RALGAPA2: variants seen among roughly 807,000 people sequenced by gnomAD.
RALGAPA2 encodes Ral GTPase activating protein catalytic subunit alpha 2, also known as ral GTPase-activating protein subunit alpha-2.
RALGAPA2 carries 139 observed loss-of-function variants against 230.4 expected under a neutral mutation model. The ratio of observed to expected loss-of-function variants is 0.60; its 90% CI spans 0.53 to 0.69. The LOEUF is 0.69. Among genes scored for constraint, RALGAPA2 ranks in the 30% least tolerant of loss-of-function variants. RALGAPA2 has a pLI of 0.00. For synonymous variants in RALGAPA2, 847 were observed against 837.8 expected, an observed-to-expected ratio of 1.01 and a Z score of -0.19; for missense variants, 2,163 against 2,276.0, an observed-to-expected ratio of 0.95 and a Z score of 1.01.
intron 23 of RALGAPA2, among the ~76,000 whole-genome samples, chr20:20,560,731 G>A (rs934543767): frequency 6.6e-6 from 1 of 152,196 alleles, no homozygotes; most frequent in Non-Finnish European, 1.5e-5. Flanking sequence ...TTTAGTACCT[G>A]AAATGTCTCT....
intron 35 of RALGAPA2, among the ~76,000 whole-genome samples, chr20:20,500,529 A>G (rs181888137): frequency 1.5e-3 from 229 of 152,378 alleles, no homozygotes; most frequent in Admixed American, 4.3e-3. Flanking sequence ...ATTCAGCTAC[A>G]TCTTCAGTCT....
Position 20,513,109 on chromosome 20 carries a change from C to T in RALGAPA2, c.4260G>A (p.Val1420=). 1 of 1,593,354 alleles carries T rather than the reference C, an allele frequency of 6.3e-7. No homozygotes were observed. Residue 1420 remains valine (V), a synonymous_variant, in exon 32 of 40, where the codon GTG becomes GTA. Transcript: ENST00000202677. ...HVEGSELSFE[V]FRSPNLQLFV... is the part of the protein sequence containing the mutation. ...ACAGCTGCAGGTTTGGACTTCTGAA[C>T]ACCTCAAAGGACAGCTCGGAGCCTT...
chr20:20,583,389 C>G (rs2065044190), intron 19 of RALGAPA2, among the ~76,000 whole-genome samples, 163 bp from the exon 20 acceptor site: 1 of 152,114 alleles, frequency 6.6e-6, no homozygotes, highest in Admixed American at 6.6e-5. Flanking sequence ...AAAAAGTGTC[C>G]ACGTGGGGCT....
chr20:20,550,951 G>A (rs1226004466), intron 23 of RALGAPA2, among the ~76,000 whole-genome samples: 1 of 152,166 alleles, frequency 6.6e-6, no homozygotes, highest in Non-Finnish European at 1.5e-5. Context: ...TCTACAGAAA[G>A]AATAGTTTAA....
intron 37 of RALGAPA2, 134 bp from the exon 38 acceptor site, chr20:20,412,282 G>C: frequency 8.1e-7 from 1 of 1,239,674 alleles, no homozygotes; most frequent in Non-Finnish European, 1.1e-6. Flanking sequence ...CCATCTTGCA[G>C]AAAATTAAGT....
At chr20:20,551,220 T>C (rs983074296) in intron 23 of RALGAPA2, among the ~76,000 whole-genome samples, 1 of 152,246 alleles carries the variant, frequency 6.6e-6, no homozygotes, top group African/African-American at 2.4e-5. Flanking sequence ...AATTAGTTTC[T>C]TTTTCACACG....
At chr20:20,543,360 T>A (rs148335072) in intron 24 of RALGAPA2, among the ~76,000 whole-genome samples, 1 of 152,114 alleles carries the variant, frequency 6.6e-6, no homozygotes, top group East Asian at 1.9e-4. Flanking sequence ...TTAAACAAAT[T>A]TATAAGAAAA....
intron 1 of RALGAPA2, among the ~76,000 whole-genome samples, chr20:20,683,500 T>C (rs1283291123): frequency 6.6e-6 from 1 of 152,184 alleles, no homozygotes; most frequent in Admixed American, 6.5e-5. Context: ...CTAACCACTG[T>C]GGATTCTTTC....
At chr20:20,657,821 A>G (rs189482606) in intron 3 of RALGAPA2, among the ~76,000 whole-genome samples, 1 of 152,338 alleles carries the variant, frequency 6.6e-6, no homozygotes, top group East Asian at 1.9e-4. Flanking sequence ...GAGAAAAGTA[A>G]AGATTCAGAA....
chr20:20,614,620 A>G (rs563591144), intron 13 of RALGAPA2, among the ~76,000 whole-genome samples: 3 of 152,212 alleles, frequency 2.0e-5, no homozygotes, highest in Non-Finnish European at 4.4e-5. Flanking sequence ...TGACATTGGA[A>G]TCTACATCAT....
At chr20:20,692,513 C>T (rs1475582317) in intron 1 of RALGAPA2, among the ~76,000 whole-genome samples, 1 of 152,158 alleles carries the variant, frequency 6.6e-6, no homozygotes, top group African/African-American at 2.4e-5. Flanking sequence ...AGCAGTGCCC[C>T]TCTCGGAACC....
chr20:20,393,430 G>A (rs1407629850), intron 39 of RALGAPA2, among the ~76,000 whole-genome samples, 177 bp from the exon 40 acceptor site: 1 of 152,234 alleles, frequency 6.6e-6, no homozygotes, highest in African/African-American at 2.4e-5. Context: ...ACACATGAAT[G>A]TCTTTCTTCT....
At chr20:20,492,446 C>T (rs1026790965) in intron 36 of RALGAPA2, among the ~76,000 whole-genome samples, 2 of 152,096 alleles carry the variant, frequency 1.3e-5, no homozygotes, top group Admixed American at 6.6e-5. Context: ...GAAAAAAATA[C>T]GGATTTTGGT....
intron 20 of RALGAPA2, among the ~76,000 whole-genome samples, chr20:20,574,843 A>C (rs746858564): frequency 1.3e-5 from 2 of 152,120 alleles, no homozygotes; most frequent in African/African-American, 2.4e-5. Flanking sequence ...CCACATCTCC[A>C]ACCTGCAGCC....
chr20:20,394,889 C>CAAAAAAAAAAAAAAAAAAAAAAAAAAG (rs10673778), intron 39 of RALGAPA2, among the ~76,000 whole-genome samples: 1 of 44,648 alleles, frequency 2.2e-5, no homozygotes, highest in African/African-American at 9.2e-5. Flanking sequence ...AATAAATAAG[C>CAAAAAAAAAAAAAAAAAAAAAAAAAAG]AAAAAAAAAA....
chr20:20,612,778 T>C (rs887078710), intron 13 of RALGAPA2, among the ~76,000 whole-genome samples: 24 of 152,176 alleles, frequency 1.6e-4, no homozygotes, highest in African/African-American at 5.5e-4. Flanking sequence ...GGGGGACAGC[T>C]TGTCGCTCAT....
intron 36 of RALGAPA2, among the ~76,000 whole-genome samples, chr20:20,478,786 C>A (rs372364604): frequency 9.9e-5 from 15 of 151,892 alleles, no homozygotes; most frequent in African/African-American, 3.4e-4. Context: ...CAGGACCATT[C>A]ATACCCCAAA....
At chr20:20,655,365 G>T (rs980493304) in intron 3 of RALGAPA2, among the ~76,000 whole-genome samples, 1 of 152,038 alleles carries the variant, frequency 6.6e-6, no homozygotes, top group Non-Finnish European at 1.5e-5. Context: ...ACGTTTGCAC[G>T]AAATATTACA....
intron 37 of RALGAPA2, among the ~76,000 whole-genome samples, chr20:20,431,522 T>A (rs766784822): frequency 6.6e-6 from 1 of 152,166 alleles, no homozygotes; most frequent in Non-Finnish European, 1.5e-5. Context: ...AACTTAAACA[T>A]GCACCAGGCT....
Sources: gnomAD v4.1 joint callset for allele counts (sites outside exome capture counted in the v4.1 genomes callset) on GRCh38, gnomAD v4.1.1 for gene constraint, MANE v1.5 for transcripts, NCBI Gene and HGNC (gene_info 2026-07-23, HGNC 2026-07-21) for gene names.